ESR1: variants seen among roughly 807,000 people sequenced by gnomAD.
ESR1 encodes the protein estrogen receptor.
A neutral mutation model predicts 52.7 loss-of-function variants in ESR1; 12 were observed. That is an observed-to-expected ratio of 0.23 (90% CI 0.15 to 0.37). ESR1 has a LOEUF of 0.37. Ranked by LOEUF, ESR1 falls within the 10% of genes least tolerant of loss-of-function variation. The pLI is 1.00. For missense variants in ESR1, 584 were observed against 779.7 expected (o/e 0.75, Z 2.99); for synonymous variants, 305 against 316.8 (o/e 0.96, Z 0.39).
chr6:151,920,301 C>CTTT (rs11298172), intron 3 of ESR1, among the ~76,000 whole-genome samples: 8 of 141,968 alleles, frequency 5.6e-5, no homozygotes, highest in African/African-American at 2.0e-4. Context: ...CCCTTGACTG[C>CTTT]TTTTTTTTTT....
intron 3 of ESR1, among the ~76,000 whole-genome samples, chr6:151,942,312 T>G (rs1562574567): frequency 1.3e-5 from 2 of 152,310 alleles, no homozygotes; most frequent in African/African-American, 4.8e-5. Context: ...TCTGTTTAAC[T>G]GAAAACAAAA....
intron 2 of ESR1, among the ~76,000 whole-genome samples, chr6:151,739,413 G>C (rs1782913981): frequency 1.3e-5 from 2 of 152,072 alleles, no homozygotes; most frequent in South Asian, 4.2e-4. Context: ...CTAGCACCAG[G>C]TATTTTCTGT....
intron 2 of ESR1, among the ~76,000 whole-genome samples, chr6:151,709,992 A>G (rs1046321846): frequency 6.6e-6 from 1 of 151,508 alleles, no homozygotes; most frequent in African/African-American, 2.4e-5. Flanking sequence ...TACATCTGGA[A>G]TTTTTTTATA....
intron 2 of ESR1, among the ~76,000 whole-genome samples, chr6:151,748,176 T>C (rs1783622048): frequency 6.6e-6 from 1 of 152,120 alleles, no homozygotes; most frequent in Non-Finnish European, 1.5e-5. Context: ...GTAAAACTAC[T>C]GAAAAAAGTG....
At chr6:151,667,635 A>G (rs952005207) in intron 1 of ESR1, among the ~76,000 whole-genome samples, 6 of 152,174 alleles carry the variant, frequency 3.9e-5, no homozygotes, top group African/African-American at 7.2e-5. Context: ...CTGCCTGGAG[A>G]CTGTTTATAC....
chr6:152,061,015 C>T lies in ESR1; in HGVS notation c.1260C>T (p.Gly420=), dbSNP rs2047501225. Residue 420 remains glycine, a synonymous_variant, in exon 6 of 8, where the codon GGC becomes GGT. Transcript: ENST00000206249. This position sits in a 1 kb window ranked among gnomAD's most constrained non-coding sequence, Gnocchi z 4.3. ...LDRNQGKCVE[G]MVEIFDMLLA... ...GGAACCAGGGAAAATGTGTAGAGGGCATGGTGGAGATCTTCGACATGCTGC... is the reference window on the plus strand; with the variant it reads ...GGAACCAGGGAAAATGTGTAGAGGGTATGGTGGAGATCTTCGACATGCTGC... 1 of 1,611,726 alleles carries T rather than the reference C, an allele frequency of 6.2e-7. No individual in the cohort carries two copies. The highest frequency in any genetic ancestry group is 1.1e-5 in the South Asian group (1 of 90,870).
At chr6:151,986,662 AG>A (rs1355554126) in intron 4 of ESR1, among the ~76,000 whole-genome samples, 1 of 152,160 alleles carries the variant, frequency 6.6e-6, no homozygotes, top group Non-Finnish European at 1.5e-5. Context: ...AAAAAGTGTC[AG>A]GTCCCCTTTT....
At chr6:151,934,722 A>C (rs2034139085) in intron 3 of ESR1, among the ~76,000 whole-genome samples, 1 of 152,220 alleles carries the variant, frequency 6.6e-6, no homozygotes, top group Admixed American at 6.5e-5. Context: ...TCCAAAAATA[A>C]AAGCATCAGT....
At chr6:151,899,596 C>G (rs1260069721) in intron 3 of ESR1, among the ~76,000 whole-genome samples, 3 of 150,366 alleles carry the variant, frequency 2.0e-5, no homozygotes, top group Admixed American at 6.6e-5. Context: ...ACCTCCCTCC[C>G]GGACGGGGTG....
At chr6:151,782,831 C>A (rs1300253030) in intron 2 of ESR1, among the ~76,000 whole-genome samples, 2 of 152,140 alleles carry the variant, frequency 1.3e-5, no homozygotes, top group South Asian at 4.1e-4. Context: ...GTTAAATACA[C>A]CTTCCATTCC....
At chr6:151,902,108 A>G (rs1041608750) in intron 3 of ESR1, among the ~76,000 whole-genome samples, 1 of 152,254 alleles carries the variant, frequency 6.6e-6, no homozygotes, top group African/African-American at 2.4e-5. Context: ...AGCATTTACT[A>G]CATGAAGGTG....
intron 3 of ESR1, among the ~76,000 whole-genome samples, chr6:151,937,923 C>T (rs1562568972): frequency 1.3e-5 from 2 of 152,070 alleles, no homozygotes; most frequent in African/African-American, 4.8e-5. Context: ...AGTACTTAAC[C>T]TTATAGTACT....
intron 1 of ESR1, among the ~76,000 whole-genome samples, chr6:151,837,510 G>C (rs568915121): frequency 1.3e-5 from 2 of 152,214 alleles, no homozygotes; most frequent in East Asian, 3.9e-4. Flanking sequence ...TAGATGCAGT[G>C]GTATTGTGTC....
intron 3 of ESR1, among the ~76,000 whole-genome samples, chr6:151,924,336 C>T (rs968803155): frequency 1.7e-4 from 26 of 152,156 alleles, no homozygotes; most frequent in Admixed American, 3.9e-4. Context: ...CCACGGCGTC[C>T]GGCCTGCAAT....
intron 6 of ESR1, among the ~76,000 whole-genome samples, chr6:152,082,137 A>C (rs2049278061): frequency 6.6e-6 from 1 of 152,330 alleles, no homozygotes; most frequent in Admixed American, 6.5e-5. Context: ...CCTGGTACCA[A>C]AACCTGGCAG....
intron 1 of ESR1, among the ~76,000 whole-genome samples, chr6:151,680,254 A>C (rs1291582312): frequency 2.1e-5 from 3 of 143,986 alleles, no homozygotes; most frequent in Non-Finnish European, 4.5e-5. Flanking sequence ...CCCAGGCTGG[A>C]ATGCAGTGGT....
intron 2 of ESR1, among the ~76,000 whole-genome samples, chr6:151,868,960 C>T (rs1258564077): frequency 1.3e-5 from 2 of 152,098 alleles, no homozygotes; most frequent in Admixed American, 1.3e-4. Context: ...CATGCATATT[C>T]CACCCCCACA....
chr6:152,020,578 G>T (rs2043555965), intron 5 of ESR1, among the ~76,000 whole-genome samples: 1 of 152,060 alleles, frequency 6.6e-6, no homozygotes, highest in Admixed American at 6.6e-5. Flanking sequence ...AGCCTACAGA[G>T]TAGTTGGGAT....
intron 3 of ESR1, among the ~76,000 whole-genome samples, chr6:151,892,718 T>C (rs1173334076): frequency 1.3e-5 from 2 of 151,934 alleles, no homozygotes; most frequent in African/African-American, 2.4e-5. Flanking sequence ...AGATAATGAA[T>C]TTTGGAAAGT....
Sources: gnomAD v4.1 joint callset for allele counts (sites outside exome capture counted in the v4.1 genomes callset) on GRCh38, gnomAD v4.1.1 for gene constraint, Gnocchi (gnomAD v3.1) non-coding constraint, MANE v1.5 for transcripts, NCBI Gene and HGNC (gene_info 2026-07-23, HGNC 2026-07-21) for gene names.